Variants in MIPOL1 observed in about 807,000 individuals in gnomAD.
MIPOL1 encodes mirror-image polydactyly 1.
In MIPOL1, 57 loss-of-function variants were observed where a neutral mutation model predicts 60.9. The observed-to-expected ratio is 0.94, with a 90% CI of 0.76 to 1.17. The LOEUF (loss-of-function observed/expected upper bound fraction) is 1.17, where lower values mean the gene tolerates loss of function less well. MIPOL1 is among the 50% of genes most tolerant of loss of function. The pLI is 0.00. For missense variants in MIPOL1, 551 were observed against 511.6 expected (o/e 1.08, Z -0.74); for synonymous variants, 179 against 168.8 (o/e 1.06, Z -0.47).
intron 9 of MIPOL1, among the ~76,000 whole-genome samples, chr14:37,353,125 A>C (rs1021865269): frequency 7.2e-6 from 1 of 138,634 alleles, no homozygotes; most frequent in Non-Finnish European, 1.6e-5. Context: ...AGGGTTGTTG[A>C]ATTTTGTCAA....
At chr14:37,375,981 TA>T (rs1362165629) in intron 10 of MIPOL1, among the ~76,000 whole-genome samples, 1 of 152,202 alleles carries the variant, frequency 6.6e-6, no homozygotes, top group Admixed American at 6.5e-5. Context: ...TTCTAAAGAA[TA>T]AATGTTCTCT....
chr14:37,284,594 C>T (rs576747896), intron 6 of MIPOL1, among the ~76,000 whole-genome samples: 42 of 151,818 alleles, frequency 2.8e-4, no homozygotes, highest in Non-Finnish European at 7.4e-5. Context: ...CCACCTGCCT[C>T]GGCCTCCCAA....
chr14:37,209,074 A>G (rs1488294665), intron 1 of MIPOL1, among the ~76,000 whole-genome samples: 3 of 152,234 alleles, frequency 2.0e-5, no homozygotes, highest in East Asian at 1.9e-4. Context: ...AACTTTATCT[A>G]CATATCACTA....
chr14:37,215,825 T>C (rs1171246895), intron 1 of MIPOL1, among the ~76,000 whole-genome samples: 1 of 152,128 alleles, frequency 6.6e-6, no homozygotes, highest in Non-Finnish European at 1.5e-5. Flanking sequence ...CCAAGCATGT[T>C]GGGAGGCTAA....
intron 1 of MIPOL1, among the ~76,000 whole-genome samples, chr14:37,200,848 CTATGTGTG>C (rs1447134797): frequency 3.5e-4 from 33 of 94,884 alleles, no homozygotes; most frequent in Admixed American, 1.0e-3. Context: ...CTATATCTAT[CTATGTGTG>C]TGTGTGTGTG....
chr14:37,551,336 G>C (rs1473871898), downstream of MIPOL1: 1 of 151,942 alleles, frequency 6.6e-6, no homozygotes, highest in African/African-American at 2.4e-5. Context: ...CAGTGTACTA[G>C]ATATGCACTA....
chr14:37,495,964 T>C (rs1566716177), intron 11 of MIPOL1, among the ~76,000 whole-genome samples: 1 of 147,796 alleles, frequency 6.8e-6, no homozygotes, highest in Non-Finnish European at 1.5e-5. Flanking sequence ...CGCCCACTTT[T>C]TGATGGGGTT....
chr14:37,406,423 A>G (rs1182840825), intron 10 of MIPOL1, among the ~76,000 whole-genome samples: 1 of 152,174 alleles, frequency 6.6e-6, no homozygotes, highest in Non-Finnish European at 1.5e-5. Context: ...GCTTGCTAAA[A>G]TTCTAACTAA....
At chr14:37,291,598 C>A (rs2085061346) in intron 7 of MIPOL1, among the ~76,000 whole-genome samples, 1 of 151,928 alleles carries the variant, frequency 6.6e-6, no homozygotes, top group Non-Finnish European at 1.5e-5. Flanking sequence ...AAATTTTCTT[C>A]TTTCCCTTGT....
chr14:37,524,711 C>G (rs1334563987), intron 12 of MIPOL1, among the ~76,000 whole-genome samples: 2 of 151,364 alleles, frequency 1.3e-5, no homozygotes, highest in African/African-American at 4.9e-5. Flanking sequence ...GGATTACAGG[C>G]ACCAACCACC....
intron 1 of MIPOL1, among the ~76,000 whole-genome samples, chr14:37,203,429 ATTT>A (rs919238505): frequency 4.6e-5 from 7 of 152,094 alleles, no homozygotes; most frequent in Non-Finnish European, 7.4e-5. Flanking sequence ...ACTAGAACCT[ATTT>A]TTGTTCTGGT....
intron 1 of MIPOL1, chr14:37,219,456 C>G (rs1034495046): frequency 3.3e-5 from 5 of 152,280 alleles, no homozygotes; most frequent in African/African-American, 9.7e-5. Context: ...CAGCCTCAAC[C>G]TGGGATCAAG....
At chr14:37,542,663 C>A (rs2095534125) in intron 12 of MIPOL1, among the ~76,000 whole-genome samples, 1 of 152,062 alleles carries the variant, frequency 6.6e-6, no homozygotes, top group South Asian at 2.1e-4. Context: ...CAGACCTTTC[C>A]TCTCCTTCCA....
At chr14:37,214,690 A>G (rs1317255175) in intron 1 of MIPOL1, among the ~76,000 whole-genome samples, 2 of 152,172 alleles carry the variant, frequency 1.3e-5, no homozygotes, top group Non-Finnish European at 1.5e-5. Context: ...CTGAAGGGAC[A>G]TGGTGAGAAG....
intron 11 of MIPOL1, among the ~76,000 whole-genome samples, chr14:37,455,241 G>A (rs115891686): frequency 0.01 from 1,559 of 152,242 alleles, 30 homozygotes; most frequent in African/African-American, 0.034. Flanking sequence ...AATATTTGTT[G>A]AATATGTTTT....
At chr14:37,293,358 C>T (rs2085283149) in intron 7 of MIPOL1, among the ~76,000 whole-genome samples, 3 of 152,210 alleles carry the variant, frequency 2.0e-5, no homozygotes, top group South Asian at 2.1e-4. Flanking sequence ...AGGAACAGCT[C>T]CAGTCTACAG....
Position 37,266,875 on chromosome 14 carries a change from A to C in MIPOL1, c.20-63A>C, listed in dbSNP as rs553344815. ...GTTTCCAAAAATATTTATTTGACTGAATGATTTAATATGCAGTTATGGTGT... is the reference window on the plus strand; with the variant it reads ...GTTTCCAAAAATATTTATTTGACTGCATGATTTAATATGCAGTTATGGTGT... On this transcript the variant is annotated intron_variant, in intron 3 of 12. Transcript: ENST00000684589. 175 of 1,086,574 alleles carry C rather than the reference A, an allele frequency of 1.6e-4. 1 individual carries two copies. The South Asian group carries it at 2.0e-3, about 12-fold the overall frequency. The allele number at this position is 1,086,574 out of a possible 1,614,324, so 67.3% of individuals were successfully genotyped here.
chr14:37,415,500 G>A (rs1379530535), intron 10 of MIPOL1, among the ~76,000 whole-genome samples: 3 of 151,834 alleles, frequency 2.0e-5, no homozygotes, highest in Non-Finnish European at 4.4e-5. Context: ...GTGGTGGCGG[G>A]CGCCTGTAGT....
At chr14:37,279,810 G>C (rs10141073) in intron 6 of MIPOL1, among the ~76,000 whole-genome samples, 150,421 of 152,214 alleles carry the variant, frequency 0.99, 74,348 homozygotes, top group Middle Eastern at 1. Flanking sequence ...CATTTAAAAT[G>C]CATTATTTTA....
Sources: allele counts gnomAD v4.1 joint callset (sites outside exome capture counted in the v4.1 genomes callset), GRCh38; gene constraint gnomAD v4.1.1; transcripts MANE v1.5; gene names NCBI Gene and HGNC (gene_info 2026-07-23, HGNC 2026-07-21).